Variants in SUPT3H observed in about 807,000 individuals in gnomAD.
SUPT3H encodes SPT3 homolog, SAGA and STAGA complex component.
Under a neutral mutation model 44.3 loss-of-function variants are expected in SUPT3H, and 44 were observed. The observed-to-expected ratio is 0.99, with a 90% CI of 0.78 to 1.28. SUPT3H has a LOEUF of 1.28. Ranked by LOEUF, SUPT3H falls within the 50% of genes most tolerant of loss-of-function variation. The probability of loss-of-function intolerance (pLI) is 0.00; values close to 1 mark genes in which losing one functional copy is unlikely to be tolerated. For missense variants in SUPT3H, 380 were observed against 387.1 expected, an observed-to-expected ratio of 0.98 and a Z score of 0.15; for synonymous variants, 124 against 125.6, an observed-to-expected ratio of 0.99 and a Z score of 0.09.
intron 10 of SUPT3H, among the ~76,000 whole-genome samples, chr6:44,851,614 C>T (rs1044572940): frequency 1.3e-5 from 2 of 152,144 alleles, no homozygotes; most frequent in Non-Finnish European, 2.9e-5. Flanking sequence ...CCCGGTTAGC[C>T]TTTTGAATTT....
At chr6:45,235,221 T>C (rs1487577288) in intron 2 of SUPT3H, among the ~76,000 whole-genome samples, 3 of 152,172 alleles carry the variant, frequency 2.0e-5, no homozygotes, top group African/African-American at 7.2e-5. Flanking sequence ...AACATTATTA[T>C]AAGGCCACAT....
At chr6:45,175,610 A>G (rs1383196210) in intron 2 of SUPT3H, among the ~76,000 whole-genome samples, 2 of 152,180 alleles carry the variant, frequency 1.3e-5, no homozygotes, top group African/African-American at 2.4e-5. Context: ...TATCTCTAGC[A>G]GCAGTACTCA....
intron 2 of SUPT3H, among the ~76,000 whole-genome samples, chr6:45,173,820 T>C (rs867134631): frequency 6.6e-6 from 1 of 152,242 alleles, no homozygotes; most frequent in Non-Finnish European, 1.5e-5. Context: ...TTAACTGTCC[T>C]CTTCTGGGGG....
At chr6:44,864,900 A>ATC (rs1775255207) in intron 10 of SUPT3H, among the ~76,000 whole-genome samples, 4 of 152,156 alleles carry the variant, frequency 2.6e-5, no homozygotes, top group Non-Finnish European at 4.4e-5. Flanking sequence ...AGCTGGCTTG[A>ATC]ATTTCTCCTC....
intron 2 of SUPT3H, among the ~76,000 whole-genome samples, chr6:45,115,864 A>T (rs1800768311): frequency 6.6e-6 from 1 of 152,140 alleles, no homozygotes; most frequent in Admixed American, 6.5e-5. Flanking sequence ...TAAAGACATG[A>T]CTGATTTTCT....
intron 10 of SUPT3H, among the ~76,000 whole-genome samples, chr6:44,849,579 G>C (rs924535152): frequency 1.3e-5 from 2 of 152,172 alleles, no homozygotes; most frequent in Non-Finnish European, 2.9e-5. Context: ...TGAGGATCTG[G>C]AGAAAGGGTC....
At chr6:45,048,693 G>A (rs1338327975) in intron 3 of SUPT3H, among the ~76,000 whole-genome samples, 1 of 152,122 alleles carries the variant, frequency 6.6e-6, no homozygotes, top group African/African-American at 2.4e-5. Flanking sequence ...ATATACAATG[G>A]ATTGTTATTC....
At position 44,828,986 on chromosome 6, in the gene SUPT3H, A is replaced by AATT. The variant is rs1285343110; in HGVS notation, c.*827_*829dup. 1 of 152,618 alleles carries AATT rather than the reference A, an allele frequency of 6.6e-6. No homozygotes were observed. The highest frequency in any genetic ancestry group is 6.5e-5 in the Admixed American group (1 of 15,268). 9.5% of individuals were successfully genotyped at this position (152,618 alleles called of 1,614,324 possible). ...GGTAGCTCGGCTGCTAACAGCAAGA[A>AATT]ATTACCCAGCCCACATTTCCAGTCT... is the stretch of plus-strand genomic sequence containing the variant. On this transcript the variant is annotated 3_prime_UTR_variant, in exon 11 of 11. Transcript: ENST00000371459.
At chr6:45,178,575 T>C (rs1812474959) in intron 2 of SUPT3H, among the ~76,000 whole-genome samples, 1 of 151,854 alleles carries the variant, frequency 6.6e-6, no homozygotes, top group Admixed American at 6.6e-5. Flanking sequence ...CTAATAGACA[T>C]CTACAGAACT....
chr6:44,811,589 G>C (rs933528071), intron 11 of SUPT3H, among the ~76,000 whole-genome samples: 4 of 152,206 alleles, frequency 2.6e-5, no homozygotes, highest in Non-Finnish European at 5.9e-5. Flanking sequence ...AGCAGCTATT[G>C]ATCTTTGAAG....
At chr6:44,851,998 C>G (rs1038552656) in intron 10 of SUPT3H, among the ~76,000 whole-genome samples, 2 of 152,164 alleles carry the variant, frequency 1.3e-5, no homozygotes, top group Non-Finnish European at 2.9e-5. Context: ...GCGTTTCCTA[C>G]AAATTTGGGT....
At chr6:45,150,746 G>C (rs1440164261) in intron 2 of SUPT3H, among the ~76,000 whole-genome samples, 1 of 90,732 alleles carries the variant, frequency 1.1e-5, no homozygotes, top group Non-Finnish European at 2.0e-5. Context: ...TTTTTAAGAT[G>C]GAGTCTCACT....
intron 2 of SUPT3H, among the ~76,000 whole-genome samples, chr6:45,184,762 C>T (rs1813874493): frequency 7.4e-6 from 1 of 135,366 alleles, no homozygotes; most frequent in African/African-American, 2.8e-5. Flanking sequence ...TGTAGAACCA[C>T]CAACAGGCAG....
chr6:45,322,950 G>A (rs898866168), intron 2 of SUPT3H: 14 of 1,608,350 alleles, frequency 8.7e-6, no homozygotes, highest in Non-Finnish European at 1.2e-5. Context: ...TGCTACAGCT[G>A]TTATTGATAA....
At chr6:45,350,292 T>C (rs572673582) in intron 2 of SUPT3H, among the ~76,000 whole-genome samples, 1 of 152,342 alleles carries the variant, frequency 6.6e-6, no homozygotes, top group East Asian at 1.9e-4. Context: ...AAAAAACATT[T>C]GTATATAATA....
intron 2 of SUPT3H, among the ~76,000 whole-genome samples, chr6:45,195,866 G>T (rs531327657): frequency 4.6e-5 from 7 of 152,150 alleles, no homozygotes; most frequent in East Asian, 1.9e-4. Context: ...ACTGAGGTCG[G>T]TAGTTACAAA....
At chr6:44,982,061 C>G (rs562854725) in intron 6 of SUPT3H, among the ~76,000 whole-genome samples, 5 of 151,942 alleles carry the variant, frequency 3.3e-5, no homozygotes, top group South Asian at 2.1e-4. Context: ...CAAAGCAAAA[C>G]AAAAGAAAAG....
chr6:44,971,757 C>T (rs1324021799), intron 6 of SUPT3H, among the ~76,000 whole-genome samples: 2 of 152,090 alleles, frequency 1.3e-5, no homozygotes, highest in African/African-American at 4.8e-5. Flanking sequence ...TCCCAACATC[C>T]CCCAAAGTCT....
intron 2 of SUPT3H, among the ~76,000 whole-genome samples, chr6:45,295,547 A>AAAC (rs1554330122): frequency 4.7e-5 from 6 of 128,348 alleles, no homozygotes; most frequent in African/African-American, 1.8e-4. Flanking sequence ...AAAAAAAAAA[A>AAAC]AAAAAAACAG....
Sources: gnomAD v4.1 joint callset for allele counts (sites outside exome capture counted in the v4.1 genomes callset) on GRCh38, gnomAD v4.1.1 for gene constraint, MANE v1.5 for transcripts, NCBI Gene and HGNC (gene_info 2026-07-23, HGNC 2026-07-21) for gene names.